Variants in ABCB5 observed in about 807,000 individuals in gnomAD.
ABCB5 encodes ATP-binding cassette sub-family B member 5.
A neutral mutation model predicts 144.2 loss-of-function variants in ABCB5; 155 were observed. The observed-to-expected ratio is 1.08, with a 90% CI of 0.94 to 1.23. The LOEUF is 1.23. ABCB5 is among the 50% of genes most tolerant of loss of function. The pLI, the probability that ABCB5 is intolerant of heterozygous loss-of-function variation, is 0.00. For synonymous variants in ABCB5, 610 were observed against 528.6 expected, an observed-to-expected ratio of 1.15 and a Z score of -2.11; for missense variants, 1,830 against 1,520.8, an observed-to-expected ratio of 1.20 and a Z score of -3.38.
intron 1 of ABCB5, among the ~76,000 whole-genome samples, chr7:20,621,109 T>C (rs1438263018): frequency 1.3e-5 from 2 of 152,236 alleles, no homozygotes; most frequent in East Asian, 1.9e-4. Flanking sequence ...CTTGAAAACA[T>C]TATGTTAAGT....
chr7:20,688,883 G>C (rs191415489), intron 16 of ABCB5, among the ~76,000 whole-genome samples: 138 of 152,040 alleles, frequency 9.1e-4, no homozygotes, highest in African/African-American at 3.2e-3. Flanking sequence ...AACCAAACAC[G>C]GCATGTTCTC....
chr7:20,737,157 T>TAAAAAAAAAAAA (rs112403845), intron 23 of ABCB5, among the ~76,000 whole-genome samples: 1 of 142,804 alleles, frequency 7.0e-6, no homozygotes, highest in East Asian at 2.0e-4. Context: ...GACTCTGTCT[T>TAAAAAAAAAAAA]AAAAAAAAAA....
chr7:20,698,320 T>C lies in ABCB5; in HGVS notation c.2011-87T>C, dbSNP rs894299147. 4 of 1,220,884 alleles carry C rather than the reference T, an allele frequency of 3.3e-6. No homozygotes were observed. In the Admixed American group the frequency reaches 1.0e-4, roughly 31 times the overall value. 75.6% of individuals were successfully genotyped at this position (1,220,884 alleles called of 1,614,324 possible). On this transcript the variant is annotated intron_variant, in intron 16 of 27. Transcript: ENST00000404938. Reference sequence around the variant, plus strand: ...TGTCTGTTATGTTTGATGTTATACATTATAATTCTGTTTATGATGGGCTAA... The same window carrying C: ...TGTCTGTTATGTTTGATGTTATACACTATAATTCTGTTTATGATGGGCTAA...
At chr7:20,686,362 A>G (rs563725295) in intron 16 of ABCB5, among the ~76,000 whole-genome samples, 20 of 151,894 alleles carry the variant, frequency 1.3e-4, no homozygotes, top group Non-Finnish European at 5.9e-5. Context: ...GCCCCACATC[A>G]CCTGCTTTGA....
intron 15 of ABCB5, among the ~76,000 whole-genome samples, chr7:20,684,158 T>C (rs1352116364): frequency 6.6e-6 from 1 of 152,218 alleles, no homozygotes; most frequent in Non-Finnish European, 1.5e-5. Context: ...CATTATTTTA[T>C]CAAACTTTTT....
intron 24 of ABCB5, among the ~76,000 whole-genome samples, chr7:20,740,399 T>C (rs1449420176): frequency 6.6e-6 from 1 of 152,198 alleles, no homozygotes; most frequent in Non-Finnish European, 1.5e-5. Context: ...TCTAGAATTT[T>C]AATAGATTTA....
intron 23 of ABCB5, among the ~76,000 whole-genome samples, chr7:20,735,357 G>A (rs1405849420): frequency 1.3e-5 from 2 of 152,290 alleles, no homozygotes. Context: ...ACAGTGGGTC[G>A]ATACCTTAAC....
At chr7:20,665,367 G>T (rs1785141839) in intron 14 of ABCB5, among the ~76,000 whole-genome samples, 1 of 152,160 alleles carries the variant, frequency 6.6e-6, no homozygotes, top group Admixed American at 6.5e-5. Flanking sequence ...ACCCCACATT[G>T]TTGAGCCCTG....
At chr7:20,646,235 A>G (rs1050562854) in intron 9 of ABCB5, 97 bp downstream of exon 9, 2 of 1,181,174 alleles carry the variant, frequency 1.7e-6, no homozygotes, top group Non-Finnish European at 2.3e-6. Context: ...TCAAAGATGG[A>G]TGTTTTTATT....
intron 14 of ABCB5, among the ~76,000 whole-genome samples, chr7:20,678,470 G>A (rs1261606277): frequency 6.6e-6 from 1 of 152,082 alleles, no homozygotes; most frequent in Admixed American, 6.5e-5. Context: ...CCATTTTCCT[G>A]CTCTATAATA....
chr7:20,692,753 A>C (rs551413687), intron 16 of ABCB5, among the ~76,000 whole-genome samples: 1 of 152,136 alleles, frequency 6.6e-6, no homozygotes, highest in Non-Finnish European at 1.5e-5. Context: ...ATTATATTTT[A>C]AGGTTCCTAA....
In ABCB5 at chr7:20,632,414, G is replaced by C. The variant is rs563514174; in HGVS notation, c.314+301G>C. Among the ~76,000 whole-genome samples the C allele has an allele frequency of 7.2e-5, 11 of 152,216 alleles. No homozygotes were observed. In the South Asian group the frequency reaches 2.3e-3, roughly 32 times the overall value. On this transcript the variant is annotated intron_variant, in intron 5 of 27. Coordinates refer to ENST00000404938, the MANE Select transcript of ABCB5 (RefSeq NM_001163941.2). ...TGCCTCCTAGTAATATCCTGGGAAA[G>C]AAAGGACTTGATTTTCCTTCTAAAA...
chr7:20,658,579 G>T lies in ABCB5; in HGVS notation c.1610G>T (p.Arg537Leu), dbSNP rs779950110. The change falls in exon 14 of 28, where the codon CGT becomes CTT. Residue 537 changes from arginine to leucine, a missense_variant. Transcript: ENST00000404938. ...GGQKQRIAIA[R>L]ALVRNPKILI... ...CAGAAACAGAGGATCGCAATTGCTCGTGCCTTAGTTCGAAACCCCAAGATT... is the reference window on the plus strand; with the variant it reads ...CAGAAACAGAGGATCGCAATTGCTCTTGCCTTAGTTCGAAACCCCAAGATT... 5.0e-6 allele frequency: 8 copies of T among 1,614,010 alleles called. No individual in the cohort carries two copies. The African/African-American group carries it at 1.1e-4, about 22-fold the overall frequency.
At chr7:20,645,926 C>T in intron 8 of ABCB5, 35 bp from the exon 9 acceptor site, 1 of 1,612,310 alleles carries the variant, frequency 6.2e-7, no homozygotes. Flanking sequence ...TTTATTTTCC[C>T]CAGTGGCTAC....
intron 12 of ABCB5, 54 bp downstream of exon 12, chr7:20,650,201 C>T (rs1022725385): frequency 3.1e-6 from 5 of 1,588,636 alleles, no homozygotes; most frequent in Admixed American, 3.5e-5. Context: ...TCTGGAAACA[C>T]CGCAGGGCTG....
intron 20 of ABCB5, among the ~76,000 whole-genome samples, chr7:20,717,717 G>A (rs539763161): frequency 2.6e-5 from 4 of 151,588 alleles, no homozygotes; most frequent in African/African-American, 4.8e-5. Context: ...GATTACAGGC[G>A]CGAGCCACCG....
At chr7:20,742,317 T>A (rs774331334) in intron 24 of ABCB5, among the ~76,000 whole-genome samples, 2 of 151,606 alleles carry the variant, frequency 1.3e-5, no homozygotes, top group Non-Finnish European at 2.9e-5. Context: ...GAAGTTGCAG[T>A]GAGCCGAGAT....
At chr7:20,685,935 C>A in intron 16 of ABCB5, 99 bp downstream of exon 16, 1 of 1,233,210 alleles carries the variant, frequency 8.1e-7, no homozygotes, top group Non-Finnish European at 1.1e-6. Flanking sequence ...ATATTACTTA[C>A]TGTAGCACTA....
At chr7:20,659,424 T>C in intron 14 of ABCB5, 1 of 1,152,114 alleles carries the variant, frequency 8.7e-7, no homozygotes, top group South Asian at 3.9e-5. Flanking sequence ...ATCGCAGGCT[T>C]CTTTTTTTAA....
Sources: allele counts gnomAD v4.1 joint callset (sites outside exome capture counted in the v4.1 genomes callset), GRCh38; gene constraint gnomAD v4.1.1; transcripts MANE v1.5; gene names NCBI Gene and HGNC (gene_info 2026-07-23, HGNC 2026-07-21).